The following MAN1A1 variants were observed in gnomAD, a reference collection of about 807,000 sequenced individuals.
MAN1A1 encodes the protein mannosidase alpha class 1A member 1, also known as mannosyl-oligosaccharide 1,2-alpha-mannosidase IA.
A neutral mutation model predicts 70.8 loss-of-function variants in MAN1A1; 29 were observed. The ratio of observed to expected loss-of-function variants is 0.41; its 90% CI spans 0.31 to 0.56. The LOEUF is 0.56. Ranked by LOEUF, MAN1A1 falls within the 20% of genes least tolerant of loss-of-function variation. The pLI, the probability that MAN1A1 is intolerant of heterozygous loss-of-function variation, is 0.29. For synonymous variants in MAN1A1, 349 were observed against 330.1 expected, an observed-to-expected ratio of 1.06 and a Z score of -0.62; for missense variants, 747 against 841.3, an observed-to-expected ratio of 0.89 and a Z score of 1.39.
At position 119,189,898 on chromosome 6, in the gene MAN1A1, T is replaced by A; in HGVS notation, c.1327-15A>T. ...GTCTCGATAGCCTGTGAAAAACACTTATTTTTTAACATTTTGTAATCTCTT... is the reference window on the plus strand; with the variant it reads ...GTCTCGATAGCCTGTGAAAAACACTAATTTTTTAACATTTTGTAATCTCTT... On this transcript the variant is annotated splice_polypyrimidine_tract_variant and intron_variant, in intron 9 of 12. Coordinates refer to ENST00000368468, the MANE Select transcript of MAN1A1 (RefSeq NM_005907.4). The A allele has an allele frequency of 6.3e-7, 1 of 1,588,884 alleles. No individual in the cohort carries two copies. The highest frequency in any genetic ancestry group is 1.1e-5 in the South Asian group (1 of 90,312).
chr6:119,250,548 T>C (rs1444836114), intron 5 of MAN1A1, among the ~76,000 whole-genome samples: 1 of 152,226 alleles, frequency 6.6e-6, no homozygotes, highest in Non-Finnish European at 1.5e-5. Flanking sequence ...GTAGTTTTTA[T>C]GGTGATAATG....
chr6:119,291,592 G>C (rs565559623), intron 4 of MAN1A1, among the ~76,000 whole-genome samples: 1 of 151,442 alleles, frequency 6.6e-6, no homozygotes, highest in Non-Finnish European at 1.5e-5. Context: ...TTCCTGAAAG[G>C]CTATTCAGCC....
intron 8 of MAN1A1, among the ~76,000 whole-genome samples, chr6:119,194,156 A>T (rs1435321366): frequency 6.6e-6 from 1 of 152,222 alleles, no homozygotes; most frequent in Non-Finnish European, 1.5e-5. Context: ...TAATTCTAAA[A>T]ATCTGGTTCT....
intron 2 of MAN1A1, among the ~76,000 whole-genome samples, chr6:119,335,898 T>C (rs1773437853): frequency 6.6e-6 from 1 of 152,204 alleles, no homozygotes; most frequent in Non-Finnish European, 1.5e-5. Context: ...AGACTACGGA[T>C]GCCAAGCTAA....
chr6:119,318,787 T>C (rs1173160635), intron 2 of MAN1A1, among the ~76,000 whole-genome samples: 1 of 152,224 alleles, frequency 6.6e-6, no homozygotes, highest in Non-Finnish European at 1.5e-5. Flanking sequence ...TTTTAATAGC[T>C]AAAAGTTCTT....
intron 2 of MAN1A1, among the ~76,000 whole-genome samples, chr6:119,315,171 T>C (rs1772815580): frequency 6.6e-6 from 1 of 152,192 alleles, no homozygotes; most frequent in Non-Finnish European, 1.5e-5. Context: ...TGGATGGGGA[T>C]TTTCTTCAGA....
At chr6:119,311,543 G>A (rs1772701515) in intron 2 of MAN1A1, among the ~76,000 whole-genome samples, 1 of 152,108 alleles carries the variant, frequency 6.6e-6, no homozygotes, top group African/African-American at 2.4e-5. Context: ...TTGTTCGAGG[G>A]ATTTGAGGTT....
intron 2 of MAN1A1, among the ~76,000 whole-genome samples, chr6:119,323,746 CAGAT>C (rs1215396305): frequency 6.6e-6 from 1 of 152,142 alleles, no homozygotes; most frequent in Non-Finnish European, 1.5e-5. Context: ...AACAGAGTCT[CAGAT>C]AGTCCTACAG....
At chr6:119,270,131 T>G (rs1775877104) in intron 5 of MAN1A1, among the ~76,000 whole-genome samples, 1 of 152,208 alleles carries the variant, frequency 6.6e-6, no homozygotes. Context: ...CCTGGTTTGA[T>G]ATTTCAGACT....
At chr6:119,240,471 G>A (rs745991505) in intron 6 of MAN1A1, among the ~76,000 whole-genome samples, 15 of 152,186 alleles carry the variant, frequency 9.9e-5, no homozygotes, top group Non-Finnish European at 1.8e-4. Context: ...AAAGGCGGGA[G>A]GGTGGGGTGC....
At chr6:119,204,631 A>G in intron 7 of MAN1A1, 128 bp downstream of exon 7, 2 of 1,186,464 alleles carry the variant, frequency 1.7e-6, no homozygotes, top group South Asian at 1.5e-5. Flanking sequence ...GCATGTTGCA[A>G]AACTTCAGAA....
At chr6:119,350,480 A>G (rs899638166), upstream of MAN1A1, 138 of 979,630 alleles carry the variant, frequency 1.4e-4, no homozygotes, top group Non-Finnish European at 1.6e-4. Flanking sequence ...AAACCGAAAA[A>G]ACTTGTATGT....
At chr6:119,320,389 T>A (rs1003334167) in intron 2 of MAN1A1, among the ~76,000 whole-genome samples, 1 of 152,210 alleles carries the variant, frequency 6.6e-6, no homozygotes, top group Non-Finnish European at 1.5e-5. Context: ...GTTGTTTTTT[T>A]AAAACTAGAG....
intron 2 of MAN1A1, among the ~76,000 whole-genome samples, chr6:119,321,901 G>C (rs553589294): frequency 3.9e-5 from 6 of 152,238 alleles, no homozygotes; most frequent in Middle Eastern, 3.4e-3. Context: ...TTACAGGCAT[G>C]AGCCACCGCC....
At chr6:119,192,840 C>A (rs1372313079) in intron 9 of MAN1A1, among the ~76,000 whole-genome samples, 1 of 150,368 alleles carries the variant, frequency 6.7e-6, no homozygotes, top group Non-Finnish European at 1.5e-5. Context: ...AAGTAATTTT[C>A]TTTCTAACTT....
rs879398838 is a variant in MAN1A1 at position 119,241,948 on chromosome 6, A to ATG, written c.992+6310_992+6311dup. 8.1e-3 allele frequency among the ~76,000 whole-genome samples: 213 copies of ATG among 26,392 alleles called. 3 individuals carry two copies. The South Asian group carries it at 0.11, about 14-fold the overall frequency. 17.3% of individuals were successfully genotyped at this position (26,392 alleles called of 152,430 possible). ...TTTGTGTATGTGTGTGTGTGTATGT[A>ATG]TGTGTGTGTGTGTGTGTGTGTGTGT... is the stretch of plus-strand genomic sequence containing the variant. On this transcript the variant is annotated intron_variant, in intron 6 of 12. Coordinates refer to ENST00000368468, the MANE Select transcript of MAN1A1 (RefSeq NM_005907.4).
At chr6:119,188,787 T>C (rs1773361339) in intron 10 of MAN1A1, among the ~76,000 whole-genome samples, 1 of 152,218 alleles carries the variant, frequency 6.6e-6, no homozygotes, top group Non-Finnish European at 1.5e-5. Context: ...CATCCTCCCA[T>C]ATACTTTAAA....
At position 119,232,682 on chromosome 6, in the gene MAN1A1, T is replaced by C. The variant is rs1774719628; in HGVS notation, c.992+15578A>G. On this transcript the variant is annotated intron_variant, in intron 6 of 12. Transcript: ENST00000368468. ...GATTTCATATATACACATATATATG[T>C]GTGTGTGTGTGTGTGTGTGTGTGTG... 2.1e-4 allele frequency among the ~76,000 whole-genome samples: 6 copies of C among 29,094 alleles called. No individual in the cohort carries two copies. In the South Asian group the frequency reaches 4.3e-3, roughly 21 times the overall value. The allele number at this position is 29,094 out of a possible 152,430, so 19.1% of individuals were successfully genotyped here.
At chr6:119,185,286 T>C (rs1283213295) in intron 11 of MAN1A1, among the ~76,000 whole-genome samples, 1 of 152,132 alleles carries the variant, frequency 6.6e-6, no homozygotes, top group Non-Finnish European at 1.5e-5. Context: ...ATTAATGGAG[T>C]GCTGTTAACC....
Sources: allele counts gnomAD v4.1 joint callset (sites outside exome capture counted in the v4.1 genomes callset), GRCh38; gene constraint gnomAD v4.1.1; transcripts MANE v1.5; gene names NCBI Gene and HGNC (gene_info 2026-07-23, HGNC 2026-07-21).